The following PSMB7 variants were observed in gnomAD, a reference collection of about 807,000 sequenced individuals.
PSMB7 encodes the protein proteasome 20S subunit beta 7.
A neutral mutation model predicts 28.1 loss-of-function variants in PSMB7; 5 were observed. The observed-to-expected ratio is 0.18, with a 90% CI of 0.09 to 0.37. The LOEUF is 0.37. PSMB7 is among the 10% of genes least tolerant of loss of function. The pLI, the probability that PSMB7 is intolerant of heterozygous loss-of-function variation, is 1.00. For synonymous variants in PSMB7, 122 were observed against 123.7 expected, an observed-to-expected ratio of 0.99 and a Z score of 0.09; for missense variants, 275 against 346.2, an observed-to-expected ratio of 0.79 and a Z score of 1.63.
chr9:124,367,465 C>T lies in PSMB7; in HGVS notation c.571-10550G>A, dbSNP rs550379888. On this transcript the variant is annotated intron_variant, in intron 6 of 7. Coordinates refer to ENST00000259457, the MANE Select transcript of PSMB7 (RefSeq NM_002799.4). ...GAGACCTCCAGGCATACACAGCATT[C>T]GGATAAACTCTCTGTTACTTAGGTG... 2.0e-5 allele frequency among the ~76,000 whole-genome samples: 3 copies of T among 151,974 alleles called. No individual in the cohort carries two copies. The East Asian group carries it at 5.8e-4, about 29-fold the overall frequency.
chr9:124,414,824 T>C lies in PSMB7; in HGVS notation c.156+18A>G. ...TTGCCGGTTCAGTCACTGCTGCTCTTAGCCTAACCCGGCTTACCTTATAGA... is the reference window on the plus strand; with the variant it reads ...TTGCCGGTTCAGTCACTGCTGCTCTCAGCCTAACCCGGCTTACCTTATAGA... On this transcript the variant is annotated intron_variant, in intron 2 of 7. Coordinates refer to ENST00000259457, the MANE Select transcript of PSMB7 (RefSeq NM_002799.4). 1 of 1,607,442 alleles carries C rather than the reference T, an allele frequency of 6.2e-7. No individual in the cohort carries two copies.
chr9:124,408,641 C>T (rs973976412), intron 4 of PSMB7, among the ~76,000 whole-genome samples: 4 of 152,126 alleles, frequency 2.6e-5, no homozygotes, highest in Non-Finnish European at 4.4e-5. Flanking sequence ...GTATTCAGAA[C>T]TTCTCTATGG....
chr9:124,405,678 C>G (rs984510616), intron 4 of PSMB7, among the ~76,000 whole-genome samples: 6 of 151,992 alleles, frequency 3.9e-5, no homozygotes, highest in African/African-American at 1.4e-4. Context: ...AGCCTCACAG[C>G]CCCCATTATT....
intron 6 of PSMB7, among the ~76,000 whole-genome samples, chr9:124,378,089 G>A (rs944501257): frequency 2.6e-5 from 4 of 152,196 alleles, no homozygotes; most frequent in Non-Finnish European, 2.9e-5. Flanking sequence ...TCTAACTGTA[G>A]GGCACAGCAG....
chr9:124,358,584 A>T (rs1210501533), intron 6 of PSMB7, among the ~76,000 whole-genome samples: 1 of 152,222 alleles, frequency 6.6e-6, no homozygotes, highest in Non-Finnish European at 1.5e-5. Context: ...TTAGACGAGG[A>T]GCTGGCAGCA....
Position 124,356,934 on chromosome 9 carries a change from G to T in PSMB7, c.571-19C>A, listed in dbSNP as rs370454985. ...CCTCCTCCTGAGAAACAGAACGGCG[G>T]CAATAATGTCCCCGGCCAAACTAGG... On this transcript the variant is annotated intron_variant, in intron 6 of 7. Transcript: ENST00000259457. This position sits in a 1 kb window ranked among gnomAD's most constrained non-coding sequence, Gnocchi z 4.4. 9.9e-6 allele frequency: 16 copies of T among 1,613,562 alleles called. No homozygotes were observed. In the African/African-American group the frequency reaches 1.9e-4, roughly 19 times the overall value.
chr9:124,353,961 C>CT (rs144525600), intron 7 of PSMB7, among the ~76,000 whole-genome samples: 4,094 of 152,210 alleles, frequency 0.027, 186 homozygotes, highest in African/African-American at 0.093. Flanking sequence ...ACACGTGACT[C>CT]TCCCCCCACC....
rs773029620 is a variant in PSMB7 at position 124,405,452 on chromosome 9, T to C, written c.396-20A>G. On this transcript the variant is annotated intron_variant, in intron 4 of 7. Transcript: ENST00000259457. ...TGATACCTGGTGATCAGAGTATGCA[T>C]AAGAAAAAAAACATGAGTCCACAAA... 1.3e-6 allele frequency: 2 copies of C among 1,521,924 alleles called. No homozygotes were observed. The highest frequency in any genetic ancestry group is 2.8e-5 in the African/African-American group (2 of 72,150). The allele number at this position is 1,521,924 out of a possible 1,614,324, so 94.3% of individuals were successfully genotyped here.
chr9:124,398,053 G>A (rs1176697944), intron 5 of PSMB7, among the ~76,000 whole-genome samples: 1 of 152,068 alleles, frequency 6.6e-6, no homozygotes, highest in Non-Finnish European at 1.5e-5. Context: ...GCACACGCCT[G>A]TAATCCCAGC....
chr9:124,413,153 CAAAAAAAA>C (rs61132576), intron 3 of PSMB7, among the ~76,000 whole-genome samples: 1 of 47,230 alleles, frequency 2.1e-5, no homozygotes, highest in Non-Finnish European at 3.8e-5. Context: ...GCATCTCTCC[CAAAAAAAA>C]AAAAAAAAAA....
At chr9:124,405,238 G>A (rs1296611608) in intron 5 of PSMB7, 79 bp downstream of exon 5, 1 of 982,624 alleles carries the variant, frequency 1.0e-6, no homozygotes, top group Non-Finnish European at 1.6e-6. Flanking sequence ...CCTCTTCTAA[G>A]AGAAAACAGA....
chr9:124,413,445 C>T (rs1282553781), intron 3 of PSMB7, among the ~76,000 whole-genome samples: 1 of 151,966 alleles, frequency 6.6e-6, no homozygotes, highest in African/African-American at 2.4e-5. Flanking sequence ...GGAAATGTGA[C>T]AAGTCTCTTG....
At chr9:124,374,194 G>A (rs972568303) in intron 6 of PSMB7, among the ~76,000 whole-genome samples, 3 of 152,234 alleles carry the variant, frequency 2.0e-5, no homozygotes, top group African/African-American at 7.2e-5. Flanking sequence ...CAAGTGTACA[G>A]AGATAGTGGA....
chr9:124,367,050 G>GAAGC (rs1564676760), intron 6 of PSMB7, among the ~76,000 whole-genome samples: 1 of 152,238 alleles, frequency 6.6e-6, no homozygotes, highest in African/African-American at 2.4e-5. Context: ...CTACGACAGG[G>GAAGC]AAGCCGTGGG....
At chr9:124,353,763 G>A (rs1830361664) in intron 7 of PSMB7, 54 bp from the exon 8 acceptor site, 2 of 1,317,276 alleles carry the variant, frequency 1.5e-6, no homozygotes, top group Non-Finnish European at 2.2e-6. Flanking sequence ...AGGTGCCAGA[G>A]GGCAGAAGAC....
chr9:124,374,341 C>CACT lies in PSMB7; in HGVS notation c.570+10254_570+10256dup, dbSNP rs1363666366. Among the ~76,000 whole-genome samples the CACT allele has an allele frequency of 2.6e-5, 4 of 152,126 alleles. 1 individual carries two copies. In the East Asian group the frequency reaches 7.7e-4, roughly 29 times the overall value. The stretch of plus-strand genomic sequence containing the variant: ...TAATAGCTGTACATCTCTGTGAATA[C>CACT]ACTAAAAACCACTGAACTACACAGT... On this transcript the variant is annotated intron_variant, in intron 6 of 7. Coordinates refer to ENST00000259457, the MANE Select transcript of PSMB7 (RefSeq NM_002799.4).
chr9:124,362,303 C>A (rs2131144087), intron 6 of PSMB7, among the ~76,000 whole-genome samples: 1 of 152,322 alleles, frequency 6.6e-6, no homozygotes, highest in South Asian at 2.1e-4. Context: ...AGATACTCAG[C>A]CTTTTTCCTG....
At chr9:124,394,912 G>T (rs991491845) in intron 5 of PSMB7, among the ~76,000 whole-genome samples, 1 of 152,080 alleles carries the variant, frequency 6.6e-6, no homozygotes, top group African/African-American at 2.4e-5. Flanking sequence ...ATAATTTTAA[G>T]ATATAAAATC....
chr9:124,365,182 G>A (rs999385596), intron 6 of PSMB7, among the ~76,000 whole-genome samples: 2 of 152,232 alleles, frequency 1.3e-5, no homozygotes, highest in African/African-American at 4.8e-5. Flanking sequence ...CTGAACAATG[G>A]AGACAGGCCT....
Sources: gnomAD v4.1 joint callset for allele counts (sites outside exome capture counted in the v4.1 genomes callset) on GRCh38, gnomAD v4.1.1 for gene constraint, Gnocchi (gnomAD v3.1) non-coding constraint, MANE v1.5 for transcripts, NCBI Gene and HGNC (gene_info 2026-07-23, HGNC 2026-07-21) for gene names.